Variants in GPC6 observed in about 807,000 individuals in gnomAD.
GPC6 encodes glypican 6.
In GPC6, 14 loss-of-function variants were observed where a neutral mutation model predicts 55.2. The observed-to-expected ratio is 0.25, with a 90% CI of 0.17 to 0.40. GPC6 has a LOEUF of 0.40. Ranked by LOEUF, GPC6 falls within the 10% of genes least tolerant of loss-of-function variation. GPC6 has a pLI of 1.00. For synonymous variants in GPC6, 278 were observed against 259.6 expected (o/e 1.07, Z -0.68); for missense variants, 641 against 708.5 (o/e 0.90, Z 1.08).
At chr13:94,378,254 G>T (rs982942615) in intron 6 of GPC6, among the ~76,000 whole-genome samples, 1 of 151,954 alleles carries the variant, frequency 6.6e-6, no homozygotes, top group South Asian at 2.1e-4. Context: ...GATTATTTAT[G>T]GTGTTACTTA....
intron 1 of GPC6, among the ~76,000 whole-genome samples, chr13:93,528,745 A>G (rs1566406167): frequency 6.6e-6 from 1 of 152,180 alleles, no homozygotes; most frequent in Non-Finnish European, 1.5e-5. Context: ...TGAGTTAGCG[A>G]TTAGCCTTTC....
intron 1 of GPC6, among the ~76,000 whole-genome samples, chr13:93,461,615 C>A (rs1276626072): frequency 7.2e-6 from 1 of 139,194 alleles, no homozygotes; most frequent in Non-Finnish European, 1.5e-5. Flanking sequence ...TCTAAAAAAT[C>A]AGCTAGTTCA....
At chr13:93,476,071 G>T (rs998061177) in intron 1 of GPC6, among the ~76,000 whole-genome samples, 2 of 151,750 alleles carry the variant, frequency 1.3e-5, no homozygotes, top group Admixed American at 1.3e-4. Context: ...TATTAGTATG[G>T]TCTCCCTATA....
intron 4 of GPC6, among the ~76,000 whole-genome samples, chr13:94,082,567 G>T (rs1885137711): frequency 6.6e-6 from 1 of 152,110 alleles, no homozygotes; most frequent in South Asian, 2.1e-4. Context: ...TGTTGTTAGA[G>T]AATTCAAAGA....
At chr13:94,153,684 G>T (rs563593663) in intron 4 of GPC6, among the ~76,000 whole-genome samples, 1 of 152,298 alleles carries the variant, frequency 6.6e-6, no homozygotes, top group East Asian at 1.9e-4. Flanking sequence ...ATTAGTACAG[G>T]AGTTAAATGT....
intron 1 of GPC6, among the ~76,000 whole-genome samples, chr13:93,532,143 A>G (rs528923502): frequency 1.1e-4 from 16 of 152,230 alleles, no homozygotes; most frequent in Non-Finnish European, 2.2e-4. Context: ...TGTACTTTGC[A>G]TAATAGAATC....
chr13:94,175,955 TAGAGAGAGAGAG>T (rs1555304120), intron 4 of GPC6, among the ~76,000 whole-genome samples: 131 of 78,546 alleles, frequency 1.7e-3, no homozygotes, highest in Non-Finnish European at 2.9e-3. Flanking sequence ...TATATATATA[TAGAGAGAGAGAG>T]AGAGAGAGAG....
At chr13:94,075,024 T>TA in intron 4 of GPC6, among the ~76,000 whole-genome samples, 1 of 152,226 alleles carries the variant, frequency 6.6e-6, no homozygotes, top group Middle Eastern at 3.4e-3. Flanking sequence ...AATTTTTTTT[T>TA]ATACTCATTA....
Position 93,560,626 on chromosome 13 carries a change from C to T in GPC6, c.319+15205C>T, listed in dbSNP as rs113487551. On this transcript the variant is annotated intron_variant, in intron 2 of 8. Transcript: ENST00000377047. The stretch of plus-strand genomic sequence containing the variant: ...ATCCCAGCACTTTGAGAGGCCAAGG[C>T]GGGCGGATCATGAGGTCAGGAGATC... Among the ~76,000 whole-genome samples the T allele has an allele frequency of 9.3e-3, 1,416 of 152,042 alleles. 21 individuals are homozygous for T. The highest frequency in any genetic ancestry group is 0.032 in the African/African-American group (1,336 of 41,452).
chr13:93,453,731 G>A lies in GPC6; in HGVS notation c.161-91532G>A, dbSNP rs138669847. Among the ~76,000 whole-genome samples the A allele has an allele frequency of 5.4e-3, 825 of 151,708 alleles. 7 individuals are homozygous for A. The highest frequency in any genetic ancestry group is 0.018 in the African/African-American group (747 of 41,366). On this transcript the variant is annotated intron_variant, in intron 1 of 8. Transcript: ENST00000377047. ...GCGTCTGGAGTTGTTCGTTCCTCCC[G>A]GTGGGCTCGTGGTCTGGCTGACTTG...
rs1026771667 is a variant in GPC6, at chr13:93,609,253, C to A, written c.319+63832C>A. On this transcript the variant is annotated intron_variant, in intron 2 of 8. Coordinates refer to ENST00000377047, the MANE Select transcript of GPC6 (RefSeq NM_005708.5). ...TTGTTGAGATAGAGTCTTGTTCTGT[C>A]GCACAGGCTGGAGTGCAATGGTGCA... Among the ~76,000 whole-genome samples the A allele has an allele frequency of 2.0e-5, 3 of 152,268 alleles. No individual in the cohort carries two copies. The South Asian group carries it at 6.2e-4, about 32-fold the overall frequency.
At chr13:93,603,256 C>A (rs1878101091) in intron 2 of GPC6, among the ~76,000 whole-genome samples, 1 of 152,176 alleles carries the variant, frequency 6.6e-6, no homozygotes, top group African/African-American at 2.4e-5. Context: ...GATCTGCCCA[C>A]TTCAGCCTCC....
intron 1 of GPC6, among the ~76,000 whole-genome samples, chr13:93,367,138 G>C (rs553504187): frequency 5.1e-4 from 77 of 152,138 alleles, no homozygotes; most frequent in East Asian, 1.9e-4. Flanking sequence ...CCAGAAGTTA[G>C]GTGAAAAACA....
intron 4 of GPC6, among the ~76,000 whole-genome samples, chr13:94,124,666 C>T (rs970241601): frequency 1.3e-5 from 2 of 152,036 alleles, no homozygotes; most frequent in Non-Finnish European, 2.9e-5. Context: ...AATGCCCTCT[C>T]GCTCACATTC....
At chr13:94,293,089 A>G (rs952768882) in intron 5 of GPC6, among the ~76,000 whole-genome samples, 2 of 152,074 alleles carry the variant, frequency 1.3e-5, no homozygotes, top group Non-Finnish European at 2.9e-5. Flanking sequence ...AACTTTCCCA[A>G]TTTCCTTTTG....
chr13:94,362,176 T>G (rs541186492), intron 6 of GPC6, among the ~76,000 whole-genome samples: 1 of 152,178 alleles, frequency 6.6e-6, no homozygotes, highest in African/African-American at 2.4e-5. Context: ...ACAAAGAATT[T>G]TGTGTCAGGG....
chr13:94,221,649 G>T (rs998813598), intron 4 of GPC6, among the ~76,000 whole-genome samples: 1 of 152,038 alleles, frequency 6.6e-6, no homozygotes, highest in Non-Finnish European at 1.5e-5. Context: ...TGAATCCTGT[G>T]TGTTTGACTT....
intron 1 of GPC6, among the ~76,000 whole-genome samples, chr13:93,384,173 C>A (rs137894474): frequency 3.3e-5 from 5 of 152,092 alleles, no homozygotes; most frequent in Admixed American, 6.5e-5. Context: ...TCTGGATTTA[C>A]TTCTATTATT....
At chr13:93,475,967 T>G (rs903556935) in intron 1 of GPC6, among the ~76,000 whole-genome samples, 3 of 152,182 alleles carry the variant, frequency 2.0e-5, no homozygotes, top group Non-Finnish European at 4.4e-5. Flanking sequence ...TGGGATTTTT[T>G]TTTTTTATGA....
Sources: allele counts gnomAD v4.1 joint callset (sites outside exome capture counted in the v4.1 genomes callset), GRCh38; gene constraint gnomAD v4.1.1; transcripts MANE v1.5; gene names NCBI Gene and HGNC (gene_info 2026-07-23, HGNC 2026-07-21).